CSMD1: variants seen among roughly 807,000 people sequenced by gnomAD.
CSMD1 encodes the protein CUB and Sushi multiple domains 1, also known as CUB and sushi domain-containing protein 1.
CSMD1 carries 213 observed loss-of-function variants against 417.5 expected under a neutral mutation model. The ratio of observed to expected loss-of-function variants is 0.51; its 90% CI spans 0.46 to 0.57. CSMD1 has a LOEUF of 0.57. Among genes scored for constraint, CSMD1 ranks in the 20% least tolerant of loss-of-function variants. CSMD1 has a pLI of 0.00. For synonymous variants in CSMD1, 2,862 were observed against 1,736.8 expected, an observed-to-expected ratio of 1.65 and a Z score of -16.11; for missense variants, 6,923 against 4,529.7, an observed-to-expected ratio of 1.53 and a Z score of -15.17.
chr8:3,312,065 G>A (rs7820348), intron 23 of CSMD1, among the ~76,000 whole-genome samples: 2,851 of 152,124 alleles, frequency 0.019, 85 homozygotes, highest in African/African-American at 0.064. Context: ...TTGCATTAAA[G>A]CTTTGTTTTG....
At chr8:3,645,499 G>T (rs1283746508) in intron 7 of CSMD1, among the ~76,000 whole-genome samples, 9 of 152,192 alleles carry the variant, frequency 5.9e-5, no homozygotes, top group Non-Finnish European at 1.0e-4. Flanking sequence ...AAGAAATGGG[G>T]AAGGGGAAGG....
chr8:3,391,208 C>G (rs116474695), intron 17 of CSMD1, among the ~76,000 whole-genome samples: 2 of 152,136 alleles, frequency 1.3e-5, no homozygotes, highest in Non-Finnish European at 2.9e-5. Context: ...ACATATAAAC[C>G]ACTAAATATA....
At chr8:4,051,383 G>A (rs1273843137) in intron 3 of CSMD1, among the ~76,000 whole-genome samples, 1 of 152,040 alleles carries the variant, frequency 6.6e-6, no homozygotes, top group African/African-American at 2.4e-5. Flanking sequence ...ATCCCGGAGG[G>A]CTGATCCAAC....
chr8:3,452,918 T>C (rs1815844657), intron 12 of CSMD1, among the ~76,000 whole-genome samples: 1 of 152,240 alleles, frequency 6.6e-6, no homozygotes, highest in African/African-American at 2.4e-5. Context: ...GTATCTCTGG[T>C]AGAATTCGGC....
At chr8:4,203,435 C>G (rs999623814) in intron 3 of CSMD1, among the ~76,000 whole-genome samples, 2 of 151,972 alleles carry the variant, frequency 1.3e-5, no homozygotes, top group African/African-American at 4.8e-5. Context: ...TCACAGCAGC[C>G]AGAAAAAAAT....
At chr8:3,896,672 G>A (rs1412804484) in intron 5 of CSMD1, among the ~76,000 whole-genome samples, 1 of 151,832 alleles carries the variant, frequency 6.6e-6, no homozygotes, top group African/African-American at 2.4e-5. Flanking sequence ...CCACCACACT[G>A]GCTAATTTTT....
intron 11 of CSMD1, among the ~76,000 whole-genome samples, chr8:3,475,616 C>G (rs2117217822): frequency 6.6e-6 from 1 of 152,270 alleles, no homozygotes; most frequent in South Asian, 2.1e-4. Flanking sequence ...TGAAGGAACT[C>G]TTCAGACCTA....
intron 26 of CSMD1, chr8:3,279,288 A>G (rs891395820): frequency 6.6e-6 from 1 of 152,228 alleles, no homozygotes; most frequent in Non-Finnish European, 1.5e-5. Context: ...GACTCACCAC[A>G]CTGAATCATC....
intron 9 of CSMD1, 76 bp from the exon 10 acceptor site, chr8:3,575,142 T>C: frequency 7.0e-7 from 1 of 1,436,460 alleles, no homozygotes. Flanking sequence ...TTATGGGAAA[T>C]TTCAAGTTAG....
intron 2 of CSMD1, among the ~76,000 whole-genome samples, chr8:4,433,526 C>T (rs1031443530): frequency 3.3e-5 from 5 of 152,132 alleles, no homozygotes; most frequent in Non-Finnish European, 7.4e-5. Context: ...CCCAGATCCC[C>T]CTGCCGGCAA....
intron 28 of CSMD1, among the ~76,000 whole-genome samples, chr8:3,220,517 C>A (rs1404396320): frequency 1.3e-5 from 2 of 152,122 alleles, no homozygotes; most frequent in East Asian, 1.9e-4. Context: ...CCAGAATAAA[C>A]TGATAAAGTA....
intron 2 of CSMD1, among the ~76,000 whole-genome samples, chr8:4,448,170 G>T (rs769727472): frequency 6.6e-6 from 1 of 152,126 alleles, no homozygotes; most frequent in Non-Finnish European, 1.5e-5. Flanking sequence ...AGGTGAACAT[G>T]TAACCATAAT....
intron 3 of CSMD1, among the ~76,000 whole-genome samples, chr8:4,328,652 T>C (rs992098747): frequency 3.9e-5 from 6 of 152,060 alleles, no homozygotes; most frequent in African/African-American, 1.4e-4. Context: ...TAACATCACT[T>C]TTTCTCTTTG....
chr8:4,130,320 C>G (rs1450528485), intron 3 of CSMD1, among the ~76,000 whole-genome samples: 2 of 152,094 alleles, frequency 1.3e-5, no homozygotes, highest in East Asian at 1.9e-4. Flanking sequence ...CCAAATATGC[C>G]TAAGGTCTTC....
intron 26 of CSMD1, among the ~76,000 whole-genome samples, chr8:3,273,439 G>C (rs1585882551): frequency 6.6e-6 from 1 of 151,938 alleles, no homozygotes; most frequent in Admixed American, 6.6e-5. Flanking sequence ...GGATGATGCT[G>C]GCCTCATAAA....
chr8:3,283,914 T>G (rs1387763156), intron 26 of CSMD1, among the ~76,000 whole-genome samples: 1 of 152,220 alleles, frequency 6.6e-6, no homozygotes, highest in Non-Finnish European at 1.5e-5. Context: ...ATCAAATGAG[T>G]TTGGTTATGC....
intron 5 of CSMD1, among the ~76,000 whole-genome samples, chr8:3,864,907 G>A (rs752475163): frequency 5.9e-5 from 9 of 152,226 alleles, no homozygotes; most frequent in Non-Finnish European, 1.3e-4. Context: ...AAAACAAGAA[G>A]TATTGCTCTA....
chr8:4,823,293 T>C (rs112697326), intron 1 of CSMD1, among the ~76,000 whole-genome samples: 1 of 152,066 alleles, frequency 6.6e-6, no homozygotes, highest in East Asian at 1.9e-4. Flanking sequence ...AAACAATTAA[T>C]TATTTTTTCC....
chr8:3,814,691 G>C (rs1197701201), intron 5 of CSMD1, among the ~76,000 whole-genome samples: 1 of 152,108 alleles, frequency 6.6e-6, no homozygotes, highest in Non-Finnish European at 1.5e-5. Context: ...CATTAGCTTA[G>C]CCCTCTGGTG....
Sources: allele counts gnomAD v4.1 joint callset (sites outside exome capture counted in the v4.1 genomes callset), GRCh38; gene constraint gnomAD v4.1.1; transcripts MANE v1.5; gene names NCBI Gene and HGNC (gene_info 2026-07-23, HGNC 2026-07-21).